TBC1D9: variants seen among roughly 807,000 people sequenced by gnomAD.
TBC1D9 encodes the protein TBC1 domain family member 9, also known as TBC1 domain family member 9A.
A neutral mutation model predicts 132.0 loss-of-function variants in TBC1D9; 63 were observed. The observed-to-expected ratio is 0.48, with a 90% confidence interval of 0.39 to 0.59. TBC1D9 has a LOEUF of 0.59. TBC1D9 is among the 20% of genes least tolerant of loss of function. TBC1D9 has a pLI of 0.00. For synonymous variants in TBC1D9, 610 were observed against 609.9 expected (o/e 1.00, Z 0.00); for missense variants, 1,261 against 1,592.7 (o/e 0.79, Z 3.54).
At chr4:140,626,268 CA>C (rs1339332730) in intron 18 of TBC1D9, among the ~76,000 whole-genome samples, 1 of 152,074 alleles carries the variant, frequency 6.6e-6, no homozygotes, top group Non-Finnish European at 1.5e-5. Flanking sequence ...GTCCTAATTA[CA>C]CCCAATATGA....
At chr4:140,661,566 C>T (rs1737361898) in intron 10 of TBC1D9, among the ~76,000 whole-genome samples, 1 of 152,142 alleles carries the variant, frequency 6.6e-6, no homozygotes, top group African/African-American at 2.4e-5. Flanking sequence ...GGAAGGTCTC[C>T]TCCATTCAGT....
rs1738112073 is a variant in TBC1D9 at position 140,704,034 on chromosome 4, C to T, written c.131-2420G>A. On this transcript the variant is annotated intron_variant, in intron 1 of 20. Coordinates refer to ENST00000442267, the MANE Select transcript of TBC1D9 (RefSeq NM_015130.3). The stretch of plus-strand genomic sequence containing the variant: ...AATAAGAAATAAAATGCTGAAACTA[C>T]TACAAGTGTCATATATGTTGGTTCT... 4.6e-5 allele frequency among the ~76,000 whole-genome samples: 7 copies of T among 152,182 alleles called. No individual in the cohort carries two copies. In the South Asian group the frequency reaches 1.5e-3, roughly 32 times the overall value.
chr4:140,676,699 G>A (rs1002938846), intron 6 of TBC1D9, among the ~76,000 whole-genome samples, 195 bp downstream of exon 6: 8 of 152,056 alleles, frequency 5.3e-5, no homozygotes, highest in Non-Finnish European at 1.2e-4. Flanking sequence ...CCCCCATGCA[G>A]CTTCTGGAAG....
intron 2 of TBC1D9, among the ~76,000 whole-genome samples, chr4:140,698,149 C>T (rs780465570): frequency 2.6e-5 from 4 of 152,040 alleles, no homozygotes; most frequent in East Asian, 1.9e-4. Flanking sequence ...CAATCAACTA[C>T]GGCAGGCCAG....
chr4:140,687,372 A>G (rs1351311607), intron 2 of TBC1D9, among the ~76,000 whole-genome samples: 1 of 85,932 alleles, frequency 1.2e-5, no homozygotes, highest in East Asian at 3.9e-4. Flanking sequence ...ATATATATAT[A>G]TATATATATA....
rs1197984285 is a variant in TBC1D9 at position 140,756,146 on chromosome 4, C to T, written c.-101G>A. The T allele has an allele frequency of 2.3e-5, 22 of 972,744 alleles. No homozygotes were observed. Among genetic ancestry groups the T allele is most frequent in the Non-Finnish European group, 2.7e-5 (20 of 731,968 alleles). The allele number at this position is 972,744 out of a possible 1,614,324, so 60.3% of individuals were successfully genotyped here. ...ACTCCTGGGCACACGCGCGCCCGCC[C>T]GCCCGTCCGCTAGGTGCGGCGGCGG... is the stretch of plus-strand genomic sequence containing the variant. On this transcript the variant is annotated 5_prime_UTR_variant, in exon 1 of 21. Coordinates refer to ENST00000442267, the MANE Select transcript of TBC1D9 (RefSeq NM_015130.3). The surrounding 1 kb of genome is among the most constrained non-coding windows in gnomAD (Gnocchi z 5.6).
Position 140,622,528 on chromosome 4 carries a change from G to A in TBC1D9, c.3468C>T (p.Thr1156=), listed in dbSNP as rs1736634329. Reference sequence around the variant, plus strand: ...ATGAGGACATGGAGCTGTCGTCCTTGGTGTCGTCGTCAGAGATCAGCATGG... The same window carrying A: ...ATGAGGACATGGAGCTGTCGTCCTTAGTGTCGTCGTCAGAGATCAGCATGG... ...CSSMLISDDD[T]KDDSSMSSYS... The change falls in exon 21 of 21, where the codon ACC becomes ACT. Residue 1156 remains threonine, a synonymous_variant. Transcript: ENST00000442267. The A allele has an allele frequency of 2.5e-6, 4 of 1,614,056 alleles. No individual in the cohort carries two copies. The highest frequency in any genetic ancestry group is 1.6e-4 in the Middle Eastern group (1 of 6,062).
At chr4:140,712,331 CA>C (rs754559933) in intron 1 of TBC1D9, 9 of 150,092 alleles carry the variant, frequency 6.0e-5, no homozygotes, top group Non-Finnish European at 1.2e-4. Flanking sequence ...CAGTTGCAGG[CA>C]CTTGATGTTT....
At position 140,670,881 on chromosome 4, in the gene TBC1D9, G is replaced by T. The variant is rs771258966; in HGVS notation, c.1105C>A (p.Pro369Thr). 2 of 1,614,030 alleles carry T rather than the reference G, an allele frequency of 1.2e-6. No individual in the cohort carries two copies. The highest frequency in any genetic ancestry group is 1.7e-6 in the Non-Finnish European group (2 of 1,179,898). The change falls in exon 7 of 21, where the codon CCC becomes ACC. Residue 369 changes from proline to threonine, a missense_variant. Physicochemically the swap from Pro to Thr is conservative, Grantham distance 38. This residue lies in a region of TBC1D9 where 550 missense variants were observed against 699.0 expected (regional missense o/e 0.79). Transcript: ENST00000442267. Reference protein sequence around the residue: ...KADSSSVLPSPLSISTRNRMT... With the variant: ...KADSSSVLPSTLSISTRNRMT... ...CTGTTTCGGGTGCTGATGGATAAGG[G>T]ACTGGGGAGCACACTGGAGCTGTCT... is the stretch of plus-strand genomic sequence containing the variant.
At chr4:140,737,611 T>C (rs1738695216) in intron 1 of TBC1D9, among the ~76,000 whole-genome samples, 1 of 152,184 alleles carries the variant, frequency 6.6e-6, no homozygotes, top group Non-Finnish European at 1.5e-5. Flanking sequence ...TATCATTTTG[T>C]AGTCACAGAC....
intron 13 of TBC1D9, among the ~76,000 whole-genome samples, chr4:140,645,852 T>C (rs539612196): frequency 6.2e-4 from 94 of 152,310 alleles, no homozygotes; most frequent in Non-Finnish European, 1.1e-3. Flanking sequence ...TCTGTGCTTC[T>C]CTCAGACAGC....
chr4:140,624,193 G>A lies in TBC1D9; in HGVS notation c.3001C>T (p.Arg1001Cys), dbSNP rs756151069. 53 of 1,611,596 alleles carry A rather than the reference G, an allele frequency of 3.3e-5. No homozygotes were observed. The highest frequency in any genetic ancestry group is 4.1e-5 in the Non-Finnish European group (48 of 1,178,772). ...GGAGTCCACAGTCTCAAATAATTACGATTTTCTTGGGAATTTGCTCTCTTC... is the reference window on the plus strand; with the variant it reads ...GGAGTCCACAGTCTCAAATAATTACAATTTTCTTGGGAATTTGCTCTCTTC... ...KGKRANSQEN[R>C]NYLRLWTPEN... The change falls in exon 20 of 21, where the codon CGT becomes TGT. Residue 1001 changes from arginine (R) to cysteine (C), a missense_variant. Physicochemically the swap from Arg to Cys is radical, Grantham distance 180. This residue lies in a region of TBC1D9 where 618 missense variants were observed against 724.4 expected (regional missense o/e 0.85). Transcript: ENST00000442267.
chr4:140,700,189 C>T (rs1199771430), intron 2 of TBC1D9, among the ~76,000 whole-genome samples: 1 of 152,040 alleles, frequency 6.6e-6, no homozygotes, highest in South Asian at 2.1e-4. Context: ...GTGGTTCATG[C>T]CTGTAATCCC....
intron 13 of TBC1D9, chr4:140,643,985 C>G (rs1007096131): frequency 9.0e-6 from 5 of 555,710 alleles, no homozygotes; most frequent in Non-Finnish European, 1.4e-5. Flanking sequence ...GCTCTTCCTC[C>G]GGGTCCTCCC....
At chr4:140,735,908 G>A (rs1027517121) in intron 1 of TBC1D9, among the ~76,000 whole-genome samples, 13 of 152,064 alleles carry the variant, frequency 8.5e-5, no homozygotes, top group Non-Finnish European at 1.0e-4. Flanking sequence ...CTAAGAAAGC[G>A]GGGATGGATC....
Position 140,627,511 on chromosome 4 carries a change from T to C in TBC1D9, c.2829A>G (p.Gln943=). 1 of 1,609,208 alleles carries C rather than the reference T, an allele frequency of 6.2e-7. No individual in the cohort carries two copies. Among genetic ancestry groups the C allele is most frequent in the Middle Eastern group, 1.7e-4 (1 of 6,058 alleles). Residue 943 remains glutamine, a synonymous_variant, in exon 18 of 21, where the codon CAA becomes CAG. Transcript: ENST00000442267. ...MHVLPEPSSD[Q]DEPDSAFEAT... is the part of the protein sequence containing the mutation. ...CTTCAAAAGCAGAATCTGGTTCATC[T>C]TGATCAGAGGATGGCTCTAGGGAGG... is the stretch of plus-strand genomic sequence containing the variant.
At chr4:140,657,390 A>C in intron 12 of TBC1D9, 137 bp downstream of exon 12, 1 of 1,341,470 alleles carries the variant, frequency 7.5e-7, no homozygotes, top group Non-Finnish European at 1.0e-6. Context: ...AAGAAAAAGC[A>C]TATGAAAATA....
intron 9 of TBC1D9, among the ~76,000 whole-genome samples, chr4:140,663,924 G>A (rs1737403457): frequency 6.6e-6 from 1 of 151,688 alleles, no homozygotes; most frequent in African/African-American, 2.4e-5. Flanking sequence ...AAAGGGTATA[G>A]AGCTTCAGTT....
At chr4:140,697,049 A>T (rs535672735) in intron 2 of TBC1D9, among the ~76,000 whole-genome samples, 2 of 152,194 alleles carry the variant, frequency 1.3e-5, no homozygotes, top group Admixed American at 1.3e-4. Flanking sequence ...GGAGCCAGTA[A>T]CTTGGATTTT....
Sources: allele counts gnomAD v4.1 joint callset (sites outside exome capture counted in the v4.1 genomes callset), GRCh38; gene constraint gnomAD v4.1.1; regional missense constraint gnomAD v4.1.1; non-coding constraint Gnocchi (gnomAD v3.1); transcripts MANE v1.5; gene names NCBI Gene and HGNC (gene_info 2026-07-23, HGNC 2026-07-21).